MGLL: variants seen among roughly 807,000 people sequenced by gnomAD.
The protein encoded by MGLL is monoglyceride lipase.
A neutral mutation model predicts 29.1 loss-of-function variants in MGLL; 7 were observed. The ratio of observed to expected loss-of-function variants is 0.24; its 90% CI spans 0.14 to 0.45. The LOEUF (loss-of-function observed/expected upper bound fraction) is 0.45, where lower values mean the gene tolerates loss of function less well. Among genes scored for constraint, MGLL ranks in the 20% least tolerant of loss-of-function variants. The probability of loss-of-function intolerance (pLI) is 0.99; values close to 1 mark genes in which losing one functional copy is unlikely to be tolerated. For synonymous variants in MGLL, 148 were observed against 168.3 expected (o/e 0.88, Z 0.93); for missense variants, 356 against 413.6 (o/e 0.86, Z 1.21).
chr3:127,726,124 G>C (rs2076027074), intron 3 of MGLL, among the ~76,000 whole-genome samples: 1 of 18,360 alleles, frequency 5.4e-5, no homozygotes, highest in Non-Finnish European at 1.2e-4. Flanking sequence ...AAGCAGGAAA[G>C]AAAGAAAGAA....
At chr3:127,798,011 AG>A (rs559923424) in intron 2 of MGLL, among the ~76,000 whole-genome samples, 139 of 152,342 alleles carry the variant, frequency 9.1e-4, no homozygotes, top group African/African-American at 3.2e-3. Context: ...CAGAGCAGCA[AG>A]GGGTGTGTGA....
intron 2 of MGLL, among the ~76,000 whole-genome samples, chr3:127,798,619 C>G (rs181097099): frequency 1.6e-4 from 24 of 152,346 alleles, no homozygotes; most frequent in Admixed American, 2.0e-4. Flanking sequence ...CCAACAGCCT[C>G]CTAACTCCAC....
chr3:127,777,353 C>T (rs1265605450), intron 3 of MGLL, among the ~76,000 whole-genome samples: 3 of 152,176 alleles, frequency 2.0e-5, no homozygotes, highest in Non-Finnish European at 2.9e-5. Context: ...GGATAGCCAT[C>T]AGCAATGTCC....
Position 127,794,677 on chromosome 3 carries a change from C to T in MGLL, c.156-12782G>A, listed in dbSNP as rs190182746. On this transcript the variant is annotated intron_variant, in intron 2 of 7. Transcript: ENST00000265052. Reference sequence around the variant, plus strand: ...GTCTTCCATGATGTCAAACTATCTTCCACGATGTGGAACTTTCTTCTATGA... The same window carrying T: ...GTCTTCCATGATGTCAAACTATCTTTCACGATGTGGAACTTTCTTCTATGA... Among the ~76,000 whole-genome samples the T allele has an allele frequency of 8.9e-3, 1,355 of 152,286 alleles. 12 individuals carry two copies. The highest frequency in any genetic ancestry group is 0.012 in the Non-Finnish European group (839 of 68,016).
intron 6 of MGLL, among the ~76,000 whole-genome samples, chr3:127,697,299 C>T (rs782440): frequency 0.55 from 83,797 of 152,220 alleles, 25,836 homozygotes; most frequent in African/African-American, 0.85. Flanking sequence ...ATCTACCAGC[C>T]TGTGCAGGGC....
At chr3:127,820,650 C>T (rs2077842328) in intron 2 of MGLL, among the ~76,000 whole-genome samples, 1 of 152,050 alleles carries the variant, frequency 6.6e-6, no homozygotes, top group Non-Finnish European at 1.5e-5. Flanking sequence ...TGCTCAACAA[C>T]CCCCCCACTT....
Position 127,692,196 on chromosome 3 carries a change from A to T in MGLL, c.*2T>A. ...CCATGAGCCGGGCACCGGCCAATGC[A>T]TTCAGGGTGGGGACGCAGTTCCTGC... is the stretch of plus-strand genomic sequence containing the variant. On this transcript the variant is annotated 3_prime_UTR_variant, in exon 8 of 8. Coordinates refer to ENST00000265052, the MANE Select transcript of MGLL (RefSeq NM_007283.7). 6.2e-7 allele frequency: 1 copy of T among 1,604,426 alleles called. No homozygotes were observed. Among genetic ancestry groups the T allele is most frequent in the Non-Finnish European group, 8.5e-7 (1 of 1,178,598 alleles).
chr3:127,761,771 G>A lies in MGLL; in HGVS notation c.262+20018C>T, dbSNP rs2076769576. ...CTCGCTTCATCGGCCGGGCCCTTGGGACCCCAGCTCTTCAGGGAGGGACTC... is the reference window on the plus strand; with the variant it reads ...CTCGCTTCATCGGCCGGGCCCTTGGAACCCCAGCTCTTCAGGGAGGGACTC... On this transcript the variant is annotated intron_variant, in intron 3 of 7. Coordinates refer to ENST00000265052, the MANE Select transcript of MGLL (RefSeq NM_007283.7). The surrounding 1 kb of genome is among the most constrained non-coding windows in gnomAD (Gnocchi z 4.6). 6.6e-6 allele frequency among the ~76,000 whole-genome samples: 1 copy of A among 152,158 alleles called. No individual in the cohort carries two copies. The highest frequency in any genetic ancestry group is 2.4e-5 in the African/African-American group (1 of 41,434).
intron 2 of MGLL, among the ~76,000 whole-genome samples, chr3:127,799,141 C>T (rs1052018595): frequency 6.6e-6 from 1 of 152,198 alleles, no homozygotes; most frequent in African/African-American, 2.4e-5. Context: ...GGACCAAGTG[C>T]TCCTAAGAAG....
intron 6 of MGLL, among the ~76,000 whole-genome samples, chr3:127,699,980 C>T (rs1264276874): frequency 1.3e-5 from 2 of 152,198 alleles, no homozygotes; most frequent in Non-Finnish European, 2.9e-5. Flanking sequence ...ACAGCTGGCT[C>T]TTCCTGCCCC....
chr3:127,710,952 T>C, intron 5 of MGLL: 1 of 445,738 alleles, frequency 2.2e-6, no homozygotes, highest in South Asian at 2.0e-5. Context: ...ACCCTCCCCA[T>C]GATCGCTCAT....
chr3:127,777,650 A>T (rs1233448522), intron 3 of MGLL, among the ~76,000 whole-genome samples: 1 of 130,414 alleles, frequency 7.7e-6, no homozygotes, highest in Non-Finnish European at 1.8e-5. Flanking sequence ...TGAGCAAACT[A>T]CAGATGGAAC....
In MGLL at chr3:127,710,526, C is replaced by G. The variant is rs1158525618; in HGVS notation, c.600+50G>C. 6 of 1,453,602 alleles carry G rather than the reference C, an allele frequency of 4.1e-6. No homozygotes were observed. The Admixed American group carries it at 7.9e-5, about 19-fold the overall frequency. The allele number at this position is 1,453,602 out of a possible 1,614,324, so 90.0% of individuals were successfully genotyped here. ...GGCTGGAGCCAAAACTCTGATTCCCCATGGGGGCAGCCACCCAAGCTACCC... is the reference window on the plus strand; with the variant it reads ...GGCTGGAGCCAAAACTCTGATTCCCGATGGGGGCAGCCACCCAAGCTACCC... On this transcript the variant is annotated intron_variant, in intron 6 of 7. Transcript: ENST00000265052.
intron 3 of MGLL, chr3:127,735,937 CCTGG>C: frequency 1.3e-5 from 20 of 1,497,608 alleles, no homozygotes; most frequent in Non-Finnish European, 1.7e-5. Context: ...CAGTTAGAAT[CCTGG>C]CTCTCTTAGA....
chr3:127,803,795 C>A (rs749866320), intron 2 of MGLL, among the ~76,000 whole-genome samples: 3 of 152,186 alleles, frequency 2.0e-5, no homozygotes, highest in Non-Finnish European at 4.4e-5. Context: ...AAACATTACT[C>A]ATTCCCTCGT....
At chr3:127,716,036 G>A (rs1208398066) in intron 5 of MGLL, 3 of 350,766 alleles carry the variant, frequency 8.6e-6, no homozygotes, top group East Asian at 1.5e-4. Context: ...TGACCCTGGT[G>A]AAACCAGGTT....
intron 3 of MGLL, among the ~76,000 whole-genome samples, chr3:127,744,554 A>G (rs939217814): frequency 2.6e-5 from 4 of 152,246 alleles, no homozygotes; most frequent in Admixed American, 2.0e-4. Context: ...TGAAAGTTGC[A>G]TATACAGAAA....
intron 6 of MGLL, among the ~76,000 whole-genome samples, chr3:127,700,541 C>G (rs553395939): frequency 6.6e-6 from 1 of 152,340 alleles, no homozygotes; most frequent in South Asian, 2.1e-4. Flanking sequence ...GGTCAGGGCT[C>G]TGTCTGTCCT....
At chr3:127,804,288 G>A (rs905931775) in intron 2 of MGLL, among the ~76,000 whole-genome samples, 5 of 152,214 alleles carry the variant, frequency 3.3e-5, no homozygotes, top group African/African-American at 7.2e-5. Flanking sequence ...CCAGGAGGCC[G>A]GCAGTGAGCA....
Sources: gnomAD v4.1 joint callset for allele counts (sites outside exome capture counted in the v4.1 genomes callset) on GRCh38, gnomAD v4.1.1 for gene constraint, Gnocchi (gnomAD v3.1) non-coding constraint, MANE v1.5 for transcripts, NCBI Gene and HGNC (gene_info 2026-07-23, HGNC 2026-07-21) for gene names.